The following GNL2 variants were observed in gnomAD, a reference collection of about 807,000 sequenced individuals.
GNL2 encodes G protein nucleolar 2.
GNL2 carries 51 observed loss-of-function variants against 92.3 expected under a neutral mutation model. That is an observed-to-expected ratio of 0.55 (90% CI 0.44 to 0.70). GNL2 has a LOEUF of 0.70. GNL2 is among the 30% of genes least tolerant of loss of function. The probability of loss-of-function intolerance (pLI) is 0.00; values close to 1 mark genes in which losing one functional copy is unlikely to be tolerated. For missense variants in GNL2, 844 were observed against 895.6 expected, an observed-to-expected ratio of 0.94 and a Z score of 0.74; for synonymous variants, 283 against 300.6, an observed-to-expected ratio of 0.94 and a Z score of 0.61.
chr1:37,567,068 C>A (rs1643516195), intron 15 of GNL2, 61 bp from the exon 16 acceptor site: 2 of 1,535,356 alleles, frequency 1.3e-6, no homozygotes, highest in Non-Finnish European at 1.8e-6. Context: ...AAGTCATTCA[C>A]AAAACAGGAG....
chr1:37,573,545 T>C (rs746874325), intron 12 of GNL2, among the ~76,000 whole-genome samples: 15 of 152,248 alleles, frequency 9.9e-5, no homozygotes, highest in African/African-American at 2.9e-4. Context: ...TCCCACTGGA[T>C]CACAGGTTTT....
chr1:37,579,668 C>A (rs924737900), intron 8 of GNL2, among the ~76,000 whole-genome samples: 1 of 151,512 alleles, frequency 6.6e-6, no homozygotes, highest in Non-Finnish European at 1.5e-5. Flanking sequence ...GAGGCTGAGG[C>A]GGGCGGATCA....
At chr1:37,587,852 C>A (rs1057135081) in intron 4 of GNL2, among the ~76,000 whole-genome samples, 1 of 152,146 alleles carries the variant, frequency 6.6e-6, no homozygotes, top group Non-Finnish European at 1.5e-5. Context: ...GAAAATTAAT[C>A]TTTTCCACCA....
intron 15 of GNL2, 134 bp downstream of exon 15, chr1:37,567,539 T>A (rs1643525675): frequency 1.4e-6 from 1 of 695,112 alleles, no homozygotes; most frequent in South Asian, 1.7e-5. Flanking sequence ...CCGACCCTAT[T>A]TATCTGACCT....
At chr1:37,581,467 A>C (rs556674814) in intron 8 of GNL2, 4 of 456,068 alleles carry the variant, frequency 8.8e-6, no homozygotes, top group Middle Eastern at 3.3e-4. Context: ...AGGACATAGA[A>C]GCTGCATGGG....
chr1:37,575,512 T>C lies in GNL2; in HGVS notation c.1143+83A>G, dbSNP rs1165918362. ...GGCTGACCCCAAACTGCCTTCTTAA[T>C]AAGTAAAAAGGAAAGGTATCCAGGG... is the stretch of plus-strand genomic sequence containing the variant. On this transcript the variant is annotated intron_variant, in intron 10 of 15. Transcript: ENST00000373062. This position sits in a 1 kb window ranked among gnomAD's most constrained non-coding sequence, Gnocchi z 4.1. The C allele has an allele frequency of 8.0e-6, 6 of 749,362 alleles. No homozygotes were observed. Among genetic ancestry groups the C allele is most frequent in the African/African-American group, 1.8e-5 (1 of 54,754 alleles). The allele number at this position is 749,362 out of a possible 1,614,324, so 46.4% of individuals were successfully genotyped here.
At chr1:37,592,644 T>A (rs945412782) in intron 3 of GNL2, 68 bp downstream of exon 3, 3 of 871,152 alleles carry the variant, frequency 3.4e-6, no homozygotes, top group Admixed American at 3.9e-5. Flanking sequence ...GTTTAGACAT[T>A]TAAACATCCT....
At chr1:37,586,959 T>A (rs991868422) in intron 5 of GNL2, among the ~76,000 whole-genome samples, 1 of 152,070 alleles carries the variant, frequency 6.6e-6, no homozygotes, top group Non-Finnish European at 1.5e-5. Context: ...ATGATGAGAT[T>A]TGCATGAACT....
Position 37,593,759 on chromosome 1 carries a change from C to T in GNL2, c.149+3G>A. ...AGAAAGGATGACAGCACCCAGTGCT[C>T]ACCTGCGCTCCTTTTGCCTATACAT... On this transcript the variant is annotated splice_donor_region_variant and intron_variant, in intron 2 of 15. Coordinates refer to ENST00000373062, the MANE Select transcript of GNL2 (RefSeq NM_013285.3). 6.2e-7 allele frequency: 1 copy of T among 1,608,762 alleles called. No individual in the cohort carries two copies. Among genetic ancestry groups the T allele is most frequent in the South Asian group, 1.1e-5 (1 of 90,942 alleles).
intron 8 of GNL2, chr1:37,581,275 A>G (rs1382338459): frequency 2.2e-6 from 1 of 445,570 alleles, no homozygotes; most frequent in Admixed American, 2.4e-5. Context: ...GTGGGACAGC[A>G]GACATGTGTC....
At chr1:37,593,677 T>G (rs899478572) in intron 2 of GNL2, 85 bp downstream of exon 2, 4 of 848,974 alleles carry the variant, frequency 4.7e-6, no homozygotes, top group African/African-American at 3.4e-5. Context: ...GAAGTGGGGG[T>G]GAGAACAGCA....
chr1:37,594,696 C>T (rs1415933160), intron 1 of GNL2, among the ~76,000 whole-genome samples: 1 of 152,324 alleles, frequency 6.6e-6, no homozygotes, highest in East Asian at 1.9e-4. Context: ...CATCCGCCAT[C>T]ATGCCCGGCT....
rs770309135 is a variant in GNL2 at position 37,576,533 on chromosome 1, G to C, written c.933C>G (p.Ile311Met). The C allele has an allele frequency of 9.9e-6, 16 of 1,613,794 alleles. No individual in the cohort carries two copies. The highest frequency in any genetic ancestry group is 9.3e-5 in the African/African-American group (7 of 74,914). ...FGKLHTDKKQISVGFIGYPNV... is the reference protein window; with the variant it reads ...FGKLHTDKKQMSVGFIGYPNV... ...TTGGATAGCCAATGAACCCAACACT[G>C]ATCTGTTTCTTGTCAGTGTGCAACT... Residue 311 changes from isoleucine (I) to methionine (M), a missense_variant, in exon 9 of 16, where the codon ATC becomes ATG. By Grantham distance (10) the Ile-to-Met change is conservative. Coordinates refer to ENST00000373062, the MANE Select transcript of GNL2 (RefSeq NM_013285.3).
chr1:37,570,989 A>G (rs1268502457), intron 12 of GNL2: 1 of 152,216 alleles, frequency 6.6e-6, no homozygotes, highest in Non-Finnish European at 1.5e-5. Context: ...TGGCCGGGCA[A>G]ATCACTAAAT....
intron 12 of GNL2, among the ~76,000 whole-genome samples, chr1:37,572,285 T>C (rs1176088812): frequency 6.6e-6 from 1 of 152,202 alleles, no homozygotes; most frequent in Non-Finnish European, 1.5e-5. Flanking sequence ...CCCTTGGAAT[T>C]TCCCAAGCGA....
At chr1:37,592,030 G>A (rs981973082) in intron 3 of GNL2, among the ~76,000 whole-genome samples, 2 of 152,200 alleles carry the variant, frequency 1.3e-5, no homozygotes, top group Non-Finnish European at 2.9e-5. Context: ...CTGTGTTGCA[G>A]TTCTTAGGAA....
chr1:37,583,311 G>C (rs1450031676), intron 6 of GNL2: 1 of 161,418 alleles, frequency 6.2e-6, no homozygotes, highest in Non-Finnish European at 1.3e-5. Context: ...AGTTTAGCTT[G>C]CCTTCACGGT....
At chr1:37,583,058 G>C (rs1379244916) in intron 6 of GNL2, 122 bp from the exon 7 acceptor site, 1 of 618,596 alleles carries the variant, frequency 1.6e-6, no homozygotes. Context: ...CAGTCTCTGG[G>C]CAGAGTTCGT....
intron 4 of GNL2, among the ~76,000 whole-genome samples, chr1:37,590,137 G>A (rs187262586): frequency 5.3e-5 from 8 of 152,160 alleles, no homozygotes; most frequent in Admixed American, 1.3e-4. Context: ...ACGGAGTTTC[G>A]CTCCTGTTGC....
Sources: allele counts gnomAD v4.1 joint callset (sites outside exome capture counted in the v4.1 genomes callset), GRCh38; gene constraint gnomAD v4.1.1; non-coding constraint Gnocchi (gnomAD v3.1); transcripts MANE v1.5; gene names NCBI Gene and HGNC (gene_info 2026-07-23, HGNC 2026-07-21).